Variants in ADK observed in about 807,000 individuals in gnomAD.
ADK encodes adenosine kinase, also known as N6,N6-dimethyladenosine kinase.
ADK carries 24 observed loss-of-function variants against 44.7 expected under a neutral mutation model. The ratio of observed to expected loss-of-function variants is 0.54; its 90% confidence interval spans 0.39 to 0.76. The LOEUF is 0.76. Ranked by LOEUF, ADK falls within the 30% of genes least tolerant of loss-of-function variation. The probability of loss-of-function intolerance (pLI) is 0.00; values close to 1 mark genes in which losing one functional copy is unlikely to be tolerated. For synonymous variants in ADK, 128 were observed against 142.6 expected, an observed-to-expected ratio of 0.90 and a Z score of 0.73; for missense variants, 321 against 425.1, an observed-to-expected ratio of 0.76 and a Z score of 2.15.
intron 10 of ADK, among the ~76,000 whole-genome samples, chr10:74,705,182 T>A (rs1400937381): frequency 6.6e-6 from 1 of 152,166 alleles, no homozygotes; most frequent in Non-Finnish European, 1.5e-5. Context: ...TCAATTAACC[T>A]TCATCCCCCT....
intron 3 of ADK, among the ~76,000 whole-genome samples, chr10:74,307,460 T>A (rs1316711883): frequency 2.0e-5 from 3 of 152,186 alleles, no homozygotes; most frequent in Non-Finnish European, 4.4e-5. Flanking sequence ...CTCCGGAAAT[T>A]TATCCACTTT....
intron 3 of ADK, among the ~76,000 whole-genome samples, chr10:74,306,105 A>G (rs767899795): frequency 3.1e-4 from 47 of 151,426 alleles, no homozygotes; most frequent in Admixed American, 5.9e-4. Flanking sequence ...TAGATCTTTT[A>G]GTATTGTCCT....
At chr10:74,318,732 T>C (rs931864008) in intron 4 of ADK, among the ~76,000 whole-genome samples, 1 of 152,184 alleles carries the variant, frequency 6.6e-6, no homozygotes, top group African/African-American at 2.4e-5. Context: ...ATATAATGAA[T>C]CTGTAAACAC....
intron 6 of ADK, among the ~76,000 whole-genome samples, chr10:74,429,175 TA>T (rs1424907199): frequency 3.9e-5 from 6 of 152,178 alleles, no homozygotes; most frequent in South Asian, 2.1e-4. Context: ...AAAAACATCT[TA>T]AAGTAGACTA....
chr10:74,515,288 T>C (rs1281847908), intron 6 of ADK, among the ~76,000 whole-genome samples: 7 of 152,198 alleles, frequency 4.6e-5, no homozygotes, highest in African/African-American at 1.4e-4. Flanking sequence ...CTGAGAGAGT[T>C]TGTGGCAATG....
intron 9 of ADK, among the ~76,000 whole-genome samples, chr10:74,611,204 T>C (rs1159058880): frequency 6.6e-6 from 1 of 151,958 alleles, no homozygotes; most frequent in Non-Finnish European, 1.5e-5. Flanking sequence ...TTTTGTATTT[T>C]TTCTTTGGTG....
At chr10:74,291,443 T>C (rs1458780308) in intron 3 of ADK, among the ~76,000 whole-genome samples, 6 of 150,688 alleles carry the variant, frequency 4.0e-5, no homozygotes, top group Middle Eastern at 3.4e-3. Flanking sequence ...ACAACAACAA[T>C]AACAACAAAA....
intron 6 of ADK, among the ~76,000 whole-genome samples, chr10:74,506,942 C>G (rs907532599): frequency 3.9e-5 from 6 of 152,096 alleles, no homozygotes; most frequent in Non-Finnish European, 8.8e-5. Context: ...TTCTGATATA[C>G]TTCTTGAAAA....
At chr10:74,608,794 G>A (rs561436953) in intron 9 of ADK, among the ~76,000 whole-genome samples, 290 of 152,258 alleles carry the variant, frequency 1.9e-3, no homozygotes, top group Non-Finnish European at 3.2e-3. Flanking sequence ...TGGTAGGCAG[G>A]AAAGTTTAAG....
chr10:74,538,820 A>C (rs952429261), intron 7 of ADK, among the ~76,000 whole-genome samples: 1 of 152,154 alleles, frequency 6.6e-6, no homozygotes, highest in African/African-American at 2.4e-5. Context: ...TCTAATAGTT[A>C]ATTAATAATT....
chr10:74,348,851 C>T (rs1841864254), intron 4 of ADK, among the ~76,000 whole-genome samples: 2 of 148,630 alleles, frequency 1.3e-5, no homozygotes, highest in African/African-American at 2.5e-5. Context: ...AGTGTGAAGA[C>T]AAGATTAGAG....
chr10:74,357,313 A>G (rs1842178344), intron 4 of ADK, among the ~76,000 whole-genome samples: 1 of 152,002 alleles, frequency 6.6e-6, no homozygotes, highest in Non-Finnish European at 1.5e-5. Flanking sequence ...GGTGGTGGTG[A>G]TTATGGTGTT....
chr10:74,674,497 T>C (rs1437033690), intron 10 of ADK, among the ~76,000 whole-genome samples: 2 of 151,822 alleles, frequency 1.3e-5, no homozygotes, highest in African/African-American at 2.4e-5. Flanking sequence ...TAGCTGGTCA[T>C]GGTAACATGC....
At chr10:74,549,849 A>C (rs534588870) in intron 7 of ADK, among the ~76,000 whole-genome samples, 1 of 152,308 alleles carries the variant, frequency 6.6e-6, no homozygotes, top group East Asian at 1.9e-4. Flanking sequence ...GATTCATTGA[A>C]ATTATAATGG....
intron 9 of ADK, among the ~76,000 whole-genome samples, chr10:74,661,919 T>A (rs1215573835): frequency 6.6e-6 from 1 of 152,222 alleles, no homozygotes; most frequent in Non-Finnish European, 1.5e-5. Context: ...TTAATATTTT[T>A]CCTGTATCTC....
chr10:74,224,454 G>A, intron 2 of ADK, 84 bp from the exon 3 acceptor site: 1 of 1,010,292 alleles, frequency 9.9e-7, no homozygotes, highest in South Asian at 1.3e-5. Flanking sequence ...TAACAGTGTT[G>A]GAGTGCTTGT....
intron 3 of ADK, among the ~76,000 whole-genome samples, chr10:74,294,510 C>G (rs1839741580): frequency 6.6e-6 from 1 of 152,158 alleles, no homozygotes; most frequent in Non-Finnish European, 1.5e-5. Context: ...TAGTCTTGAA[C>G]TCCTGACCTC....
intron 6 of ADK, among the ~76,000 whole-genome samples, chr10:74,514,330 G>A (rs905681894): frequency 1.3e-5 from 2 of 152,108 alleles, no homozygotes; most frequent in Admixed American, 1.3e-4. Flanking sequence ...CGACTTGGAT[G>A]TCTCTCTGTC....
At chr10:74,646,316 G>A (rs767035470) in intron 9 of ADK, among the ~76,000 whole-genome samples, 10 of 152,184 alleles carry the variant, frequency 6.6e-5, no homozygotes, top group Non-Finnish European at 1.2e-4. Flanking sequence ...GGAAAAACAG[G>A]ACTGAAAGGC....
Sources: allele counts gnomAD v4.1 joint callset (sites outside exome capture counted in the v4.1 genomes callset), GRCh38; gene constraint gnomAD v4.1.1; transcripts MANE v1.5; gene names NCBI Gene and HGNC (gene_info 2026-07-23, HGNC 2026-07-21).